Variants in FRMD4B observed in about 807,000 individuals in gnomAD.
FRMD4B encodes the protein FERM domain containing 4B, also known as FERM domain-containing protein 4B.
Under a neutral mutation model 141.5 loss-of-function variants are expected in FRMD4B, and 74 were observed. That is an observed-to-expected ratio of 0.52 (90% CI 0.43 to 0.63). The LOEUF (loss-of-function observed/expected upper bound fraction) is 0.63, where lower values mean the gene tolerates loss of function less well. FRMD4B is among the 30% of genes least tolerant of loss of function. FRMD4B has a pLI of 0.00. For missense variants in FRMD4B, 1,366 were observed against 1,253.4 expected (o/e 1.09, Z -1.36); for synonymous variants, 506 against 467.9 (o/e 1.08, Z -1.05).
At chr3:69,411,380 C>T (rs6549217) in intron 2 of FRMD4B, among the ~76,000 whole-genome samples, 46,526 of 152,002 alleles carry the variant, frequency 0.31, 7,354 homozygotes, top group East Asian at 0.44. Context: ...ACCACCCACA[C>T]TTCAGTCTGA....
At chr3:69,388,689 TG>T (rs1704320435), upstream of FRMD4B, among the ~76,000 whole-genome samples, 1 of 152,184 alleles carries the variant, frequency 6.6e-6, no homozygotes, top group African/African-American at 2.4e-5. Flanking sequence ...ACAAAAAGTT[TG>T]GGGAAAATTA....
At chr3:69,341,012 A>G (rs556841026) in intron 1 of FRMD4B, among the ~76,000 whole-genome samples, 1 of 152,376 alleles carries the variant, frequency 6.6e-6, no homozygotes, top group East Asian at 1.9e-4. Context: ...AATACAAAAA[A>G]GGAGTTGCAT....
At chr3:69,418,618 G>C (rs1308089821) in intron 2 of FRMD4B, among the ~76,000 whole-genome samples, 1 of 152,164 alleles carries the variant, frequency 6.6e-6, no homozygotes, top group Non-Finnish European at 1.5e-5. Context: ...ACATGTCAGG[G>C]AACTGCAGGT....
chr3:69,365,515 T>TTTTTA (rs1703613609), intron 1 of FRMD4B, among the ~76,000 whole-genome samples: 1 of 139,428 alleles, frequency 7.2e-6, no homozygotes, highest in African/African-American at 2.9e-5. Context: ...GTTTTTTTTC[T>TTTTTA]TTTTTTTGAG....
intron 13 of FRMD4B, chr3:69,196,641 G>A (rs186475341): frequency 3.9e-5 from 22 of 570,476 alleles, no homozygotes; most frequent in South Asian, 1.1e-4. Flanking sequence ...AAGTGTCACC[G>A]GCAACATCAC....
chr3:69,190,866 A>G (rs2107632787), intron 17 of FRMD4B, among the ~76,000 whole-genome samples: 1 of 152,322 alleles, frequency 6.6e-6, no homozygotes, highest in African/African-American at 2.4e-5. Flanking sequence ...TTTGCCATTT[A>G]TCGACTATGA....
intron 22 of FRMD4B, among the ~76,000 whole-genome samples, chr3:69,172,620 T>C (rs2092599841): frequency 6.6e-6 from 1 of 152,194 alleles, no homozygotes; most frequent in Non-Finnish European, 1.5e-5. Context: ...ATTTAGAAGG[T>C]GGCAGGGGCA....
At chr3:69,521,220 C>T (rs190890751) in intron 1 of FRMD4B, among the ~76,000 whole-genome samples, 1 of 152,164 alleles carries the variant, frequency 6.6e-6, no homozygotes, top group African/African-American at 2.4e-5. Flanking sequence ...CTGGCCAGGC[C>T]CTACGACTGA....
upstream of FRMD4B, among the ~76,000 whole-genome samples, chr3:69,387,720 AC>A (rs1704293778): frequency 6.6e-6 from 1 of 152,238 alleles, no homozygotes; most frequent in Non-Finnish European, 1.5e-5. Flanking sequence ...CAGTCAAAAG[AC>A]GAAGAACACA....
Position 69,311,295 on chromosome 3 carries a change from C to T in FRMD4B, c.291G>A (p.Lys97=). 1.9e-6 allele frequency: 3 copies of T among 1,586,318 alleles called. No homozygotes were observed. Among genetic ancestry groups the T allele is most frequent in the Non-Finnish European group, 2.6e-6 (3 of 1,155,386 alleles). The part of the protein sequence containing the change: ...LVASHFNLKE[K]EYFGITFIDD... The stretch of plus-strand genomic sequence containing the variant: ...CTATGAATGTTATTCCAAAATACTC[C>T]TTTTCTTTCAGGTTGAAATGTGAAG... Residue 97 remains lysine (K), a synonymous_variant, in exon 3 of 23, where the codon AAG becomes AAA. Transcript: ENST00000398540.
Position 69,187,919 on chromosome 3 carries a change from T to TATA in FRMD4B, c.1772-5_1772-3dup. 1 of 1,542,398 alleles carries TATA rather than the reference T, an allele frequency of 6.5e-7. No homozygotes were observed. The highest frequency in any genetic ancestry group is 1.2e-5 in the South Asian group (1 of 85,000). ...CAGGAAAAGTGAAGGCATCACTGGC[T>TATA]ATAATAAGTAAATGGGTGAATGAAA... On this transcript the variant is annotated splice_polypyrimidine_tract_variant and splice_region_variant and intron_variant, in intron 18 of 22. Transcript: ENST00000398540.
intron 1 of FRMD4B, among the ~76,000 whole-genome samples, chr3:69,476,127 T>A (rs371608820): frequency 6.6e-6 from 1 of 150,792 alleles, no homozygotes; most frequent in African/African-American, 2.5e-5. Flanking sequence ...GAGTAGGTTG[T>A]GAAAATTTTC....
intron 11 of FRMD4B, among the ~76,000 whole-genome samples, chr3:69,208,629 G>A (rs557287069): frequency 5.1e-4 from 78 of 152,080 alleles, no homozygotes; most frequent in Non-Finnish European, 9.6e-4. Context: ...CTTCCTCAGA[G>A]AGGCTTTCCC....
At chr3:69,381,486 A>T (rs1277388062) in intron 1 of FRMD4B, among the ~76,000 whole-genome samples, 1 of 152,184 alleles carries the variant, frequency 6.6e-6, no homozygotes. Context: ...TACAAACAAG[A>T]CTATTCAGAC....
intron 1 of FRMD4B, among the ~76,000 whole-genome samples, chr3:69,437,530 T>A (rs1310157669): frequency 6.9e-6 from 1 of 144,636 alleles, no homozygotes; most frequent in Non-Finnish European, 1.5e-5. Flanking sequence ...ATGTATTATA[T>A]AATATAATAA....
Position 69,176,631 on chromosome 3 carries a change from G to A in FRMD4B, c.2877C>T (p.Asn959=). ...SSVSSTNASG[N]WRTQLTIGLS... is the part of the protein sequence containing the mutation. Reference sequence around the variant, plus strand: ...GCCCTATGGTTAACTGGGTCCTCCAGTTCCCAGAAGCATTTGTAGAAGACA... The same window carrying A: ...GCCCTATGGTTAACTGGGTCCTCCAATTCCCAGAAGCATTTGTAGAAGACA... Residue 959 remains asparagine (N), a synonymous_variant, in exon 22 of 23, where the codon AAC becomes AAT. Transcript: ENST00000398540. 1 of 1,603,830 alleles carries A rather than the reference G, an allele frequency of 6.2e-7. No individual in the cohort carries two copies.
At chr3:69,359,710 T>A (rs1703420823) in intron 1 of FRMD4B, among the ~76,000 whole-genome samples, 1 of 152,272 alleles carries the variant, frequency 6.6e-6, no homozygotes, top group South Asian at 2.1e-4. Context: ...ATGATAGGGG[T>A]TTCCTTTCTG....
At chr3:69,384,775 G>C (rs183414181) in intron 1 of FRMD4B, among the ~76,000 whole-genome samples, 190 of 152,294 alleles carry the variant, frequency 1.2e-3, no homozygotes, top group Non-Finnish European at 2.2e-3. Flanking sequence ...CTTAGGTGCT[G>C]GCCTTTTCAT....
At chr3:69,256,012 GC>G (rs1253528252) in intron 5 of FRMD4B, among the ~76,000 whole-genome samples, 1 of 152,090 alleles carries the variant, frequency 6.6e-6, no homozygotes, top group East Asian at 1.9e-4. Flanking sequence ...TGGGAGGATT[GC>G]TTGAGCCAAG....
Sources: allele counts gnomAD v4.1 joint callset (sites outside exome capture counted in the v4.1 genomes callset), GRCh38; gene constraint gnomAD v4.1.1; transcripts MANE v1.5; gene names NCBI Gene and HGNC (gene_info 2026-07-23, HGNC 2026-07-21).